The following RPL17 variants were observed in gnomAD, a reference collection of about 807,000 sequenced individuals.
RPL17 encodes the protein large ribosomal subunit protein uL22.
Under a neutral mutation model 27.7 loss-of-function variants are expected in RPL17, and 2 were observed. The observed-to-expected ratio is 0.07, with a 90% CI of 0.03 to 0.23. The LOEUF (loss-of-function observed/expected upper bound fraction) is 0.23, where lower values mean the gene tolerates loss of function less well. Among genes scored for constraint, RPL17 ranks in the 10% least tolerant of loss-of-function variants. RPL17 has a pLI of 1.00. For synonymous variants in RPL17, 76 were observed against 75.5 expected, an observed-to-expected ratio of 1.01 and a Z score of -0.03; for missense variants, 141 against 238.8, an observed-to-expected ratio of 0.59 and a Z score of 2.70.
chr18:49,491,883 CG>C, intron 1 of RPL17: 1 of 498,174 alleles, frequency 2.0e-6, no homozygotes, highest in Non-Finnish European at 3.8e-6. Context: ...ATCTTCCAGG[CG>C]TAAAATGACT....
In RPL17 at chr18:49,490,466, A is replaced by G; in HGVS notation, c.303T>C (p.Asn101=). ...LLHMLKNAES[N]AELKGLDVDS... ...GTGGTTTGGGTACCTTAAGTTCAGCATTACTCTCTGCGTTTTTAAGCATGT... is the reference window on the plus strand; with the variant it reads ...GTGGTTTGGGTACCTTAAGTTCAGCGTTACTCTCTGCGTTTTTAAGCATGT... The change falls in exon 5 of 7, where the codon AAT becomes AAC. Residue 101 remains asparagine (N), a synonymous_variant. Transcript: ENST00000580261. 1.2e-6 allele frequency: 2 copies of G among 1,613,932 alleles called. No individual in the cohort carries two copies. Among genetic ancestry groups the G allele is most frequent in the Non-Finnish European group, 1.7e-6 (2 of 1,179,854 alleles).
At position 49,489,340 on chromosome 18, in the gene RPL17, C is replaced by A; in HGVS notation, c.507+19G>T. 1 of 1,613,262 alleles carries A rather than the reference C, an allele frequency of 6.2e-7. No individual in the cohort carries two copies. Among genetic ancestry groups the A allele is most frequent in the Non-Finnish European group, 8.5e-7 (1 of 1,179,458 alleles). On this transcript the variant is annotated intron_variant, in intron 6 of 6. Transcript: ENST00000580261. ...ATCTTTCTACTATCACAAACAAAAC[C>A]GAGCAACTACTTATTTACCTTTTTC...
chr18:49,491,769 C>A lies in RPL17; in HGVS notation c.-13-185G>T. On this transcript the variant is annotated intron_variant, in intron 1 of 6. Transcript: ENST00000580261. ...ACCAAGGGCTTGCTTTCCCTTTTATCTTCCAGTAACTACAGCACTGCTTCC... is the reference window on the plus strand; with the variant it reads ...ACCAAGGGCTTGCTTTCCCTTTTATATTCCAGTAACTACAGCACTGCTTCC... 6.2e-6 allele frequency: 5 copies of A among 807,990 alleles called. No homozygotes were observed. The South Asian group carries it at 6.7e-5, about 11-fold the overall frequency. 50.1% of individuals were successfully genotyped at this position (807,990 alleles called of 1,614,324 possible). A position where few individuals can be genotyped will look rare whatever the true frequency, so the allele number is the denominator to read the frequency against.
chr18:49,488,663 G>A, intron 6 of RPL17, 97 bp from the exon 7 acceptor site: 1 of 717,336 alleles, frequency 1.4e-6, no homozygotes, highest in South Asian at 1.6e-5. Flanking sequence ...TAGTCGTTAA[G>A]GACTAAGGGG....
rs776781173 is a variant in RPL17 at position 49,491,347 on chromosome 18, GCTAC to G, written c.81+54_81+57del. 5.3e-5 allele frequency: 85 copies of G among 1,612,420 alleles called. No individual in the cohort carries two copies. The Middle Eastern group carries it at 1.3e-3, about 25-fold the overall frequency. On this transcript the variant is annotated intron_variant, in intron 3 of 6. Transcript: ENST00000580261. ...GTGTCCTAAGAAAGTCATCACTGCA[GCTAC>G]CTTTTTTGAGTGGAACATGAGGAAC...
At chr18:49,490,339 T>A in intron 5 of RPL17, 115 bp downstream of exon 5, 2 of 1,137,498 alleles carry the variant, frequency 1.8e-6, no homozygotes, top group Non-Finnish European at 2.4e-6. Context: ...GGTAGAAATT[T>A]AAAAAATCCT....
chr18:49,488,669 A>AG, intron 6 of RPL17, 103 bp from the exon 7 acceptor site: 4 of 709,324 alleles, frequency 5.6e-6, no homozygotes, highest in Non-Finnish European at 1.0e-5. Context: ...TTAAGGACTA[A>AG]GGGGGAAAAA....
At chr18:49,492,249 T>TCTGCGGACCTCAGAGGC in intron 1 of RPL17, 2 of 153,178 alleles carry the variant, frequency 1.3e-5, no homozygotes, top group Non-Finnish European at 2.9e-5. Flanking sequence ...ATCACGTCCC[T>TCTGCGGACCTCAGAGGC]CTGCGGACCT....
At chr18:49,490,998 C>CAA (rs1238250127) in intron 3 of RPL17, 71 bp from the exon 4 acceptor site, 4 of 1,589,738 alleles carry the variant, frequency 2.5e-6, no homozygotes, top group Non-Finnish European at 1.7e-6. Context: ...GTTAAATTTT[C>CAA]AATTTTCAGC....
At chr18:49,491,315 T>C in intron 3 of RPL17, 90 bp downstream of exon 3, 2 of 1,582,162 alleles carry the variant, frequency 1.3e-6, no homozygotes, top group Non-Finnish European at 8.7e-7. Flanking sequence ...TCACGGTAAA[T>C]CCAAAGGTGT....
At chr18:49,488,864 T>G (rs2083847864) in intron 6 of RPL17, among the ~76,000 whole-genome samples, 1 of 151,956 alleles carries the variant, frequency 6.6e-6, no homozygotes, top group Non-Finnish European at 1.5e-5. Flanking sequence ...CATCAGCAGA[T>G]AATCATACGG....
At chr18:49,490,106 C>T (rs1466067847) in intron 5 of RPL17, among the ~76,000 whole-genome samples, 1 of 152,180 alleles carries the variant, frequency 6.6e-6, no homozygotes, top group Non-Finnish European at 1.5e-5. Flanking sequence ...ACTGCTAAGG[C>T]AATCATTTTG....
At chr18:49,491,179 C>G in intron 3 of RPL17, 1 of 904,506 alleles carries the variant, frequency 1.1e-6, no homozygotes, top group South Asian at 1.4e-5. Flanking sequence ...AATGCCCCAT[C>G]TTGATCTGCA....
At chr18:49,489,279 A>C in intron 6 of RPL17, 80 bp downstream of exon 6, 1 of 1,479,504 alleles carries the variant, frequency 6.8e-7, no homozygotes, top group Non-Finnish European at 9.4e-7. Context: ...TAGTTATTCC[A>C]AAGGTGTCCT....
At chr18:49,490,591 T>G in intron 4 of RPL17, 39 bp from the exon 5 acceptor site, 1 of 1,612,688 alleles carries the variant, frequency 6.2e-7, no homozygotes, top group Non-Finnish European at 8.5e-7. Context: ...TTTCCTTGAT[T>G]TAAATTAACA....
At position 49,489,515 on chromosome 18, in the gene RPL17, G is replaced by A. The variant is rs777514106; in HGVS notation, c.351C>T (p.Ile117=). ...GCATCTTAGGTGCTTTGTTCACTTG[G>A]ATATGCTCAATGACCAGAGAATCTA... The part of the protein sequence containing the change: ...LDVDSLVIEH[I]QVNKAPKMRR... Residue 117 remains isoleucine, a synonymous_variant, in exon 6 of 7, where the codon ATC becomes ATT. Transcript: ENST00000580261. 12 of 1,601,172 alleles carry A rather than the reference G, an allele frequency of 7.5e-6. No homozygotes were observed. The South Asian group carries it at 1.3e-4, about 18-fold the overall frequency.
At chr18:49,491,368 A>G in intron 3 of RPL17, 37 bp downstream of exon 3, 1 of 1,614,160 alleles carries the variant, frequency 6.2e-7, no homozygotes. Flanking sequence ...TGAGTGGAAC[A>G]TGAGGAACTG....
chr18:49,488,991 C>A (rs561045988), intron 6 of RPL17, among the ~76,000 whole-genome samples: 3 of 152,120 alleles, frequency 2.0e-5, no homozygotes, highest in Admixed American at 6.5e-5. Flanking sequence ...TTCCTCCTCC[C>A]GGGTTCATGC....
intron 1 of RPL17, 38 bp from the exon 2 acceptor site, chr18:49,491,622 T>G: frequency 2.5e-6 from 4 of 1,604,700 alleles, no homozygotes; most frequent in Non-Finnish European, 2.6e-6. Flanking sequence ...CAATACGTAC[T>G]TACAGTAACT....
Sources: gnomAD v4.1 joint callset for allele counts (sites outside exome capture counted in the v4.1 genomes callset) on GRCh38, gnomAD v4.1.1 for gene constraint, MANE v1.5 for transcripts, NCBI Gene and HGNC (gene_info 2026-07-23, HGNC 2026-07-21) for gene names.